The following MGA variants were observed in gnomAD, a reference collection of about 807,000 sequenced individuals.
MGA encodes the protein MAX gene-associated protein.
Under a neutral mutation model 261.1 loss-of-function variants are expected in MGA, and 40 were observed. That is an observed-to-expected ratio of 0.15 (90% CI 0.12 to 0.20). The LOEUF (loss-of-function observed/expected upper bound fraction) is 0.20, where lower values mean the gene tolerates loss of function less well. Ranked by LOEUF, MGA falls within the 10% of genes least tolerant of loss-of-function variation. The pLI, the probability that MGA is intolerant of heterozygous loss-of-function variation, is 1.00. For synonymous variants in MGA, 1,302 were observed against 1,290.6 expected, an observed-to-expected ratio of 1.01 and a Z score of -0.19; for missense variants, 3,397 against 3,630.5, an observed-to-expected ratio of 0.94 and a Z score of 1.65.
intron 2 of MGA, among the ~76,000 whole-genome samples, chr15:41,682,020 C>T (rs886234031): frequency 2.0e-5 from 3 of 151,734 alleles, no homozygotes; most frequent in Non-Finnish European, 4.4e-5. Context: ...CAGGTTCAAG[C>T]GATTCTCTTG....
At chr15:41,684,457 T>A (rs1167522137) in intron 2 of MGA, 2 of 419,354 alleles carry the variant, frequency 4.8e-6, no homozygotes, top group Non-Finnish European at 9.4e-6. Flanking sequence ...CTTAACTGTT[T>A]GTGAAATTTT....
Position 41,765,988 on chromosome 15 carries a change from A to C in MGA, c.7922-16A>C. 6.3e-7 allele frequency: 1 copy of C among 1,593,002 alleles called. No homozygotes were observed. Among genetic ancestry groups the C allele is most frequent in the Non-Finnish European group, 8.5e-7 (1 of 1,170,404 alleles). On this transcript the variant is annotated splice_polypyrimidine_tract_variant and intron_variant, in intron 23 of 23. Transcript: ENST00000219905. ...GATCTAAATGAATTTTTCTTTTTTT[A>C]ATTTTTGTTTTTCAGAAAATGACGA...
At chr15:41,622,106 T>G (rs1400967347) in intron 1 of MGA, among the ~76,000 whole-genome samples, 1 of 152,142 alleles carries the variant, frequency 6.6e-6, no homozygotes, top group African/African-American at 2.4e-5. Context: ...CCAGCGTCTT[T>G]GCTGCGGTCG....
At chr15:41,621,985 C>T (rs1191068808) in intron 1 of MGA, among the ~76,000 whole-genome samples, 7 of 137,706 alleles carry the variant, frequency 5.1e-5, no homozygotes, top group East Asian at 2.4e-4. Context: ...GTGCTGGGGC[C>T]GCGTGAAGGT....
chr15:41,767,244 C>T lies in MGA; in HGVS notation c.9162C>T (p.Gly3054=), dbSNP rs752645588. 1.9e-6 allele frequency: 3 copies of T among 1,613,144 alleles called. No individual in the cohort carries two copies. Among genetic ancestry groups the T allele is most frequent in the Non-Finnish European group, 1.7e-6 (2 of 1,179,314 alleles). Residue 3054 remains glycine, a synonymous_variant, in exon 24 of 24, where the codon GGC becomes GGT. Transcript: ENST00000219905. ...TGGCACCTGTTGTGGCTAAATTGGG[C>T]AACTCGGGGGCCTCACCAAGTTCTG...
At chr15:41,626,206 A>C (rs901568174) in intron 1 of MGA, among the ~76,000 whole-genome samples, 3 of 152,126 alleles carry the variant, frequency 2.0e-5, no homozygotes, top group African/African-American at 7.2e-5. Context: ...TAAAAAGATA[A>C]ATATCAAACG....
intron 15 of MGA, among the ~76,000 whole-genome samples, chr15:41,744,077 G>A (rs2062281831): frequency 6.6e-6 from 1 of 152,096 alleles, no homozygotes; most frequent in Admixed American, 6.5e-5. Flanking sequence ...AAATATTTTT[G>A]CATTTAGTGA....
chr15:41,761,702 G>A (rs1320311354), intron 20 of MGA, 37 bp from the exon 21 acceptor site: 4 of 1,337,256 alleles, frequency 3.0e-6, no homozygotes, highest in Non-Finnish European at 4.2e-6. Context: ...AAGAAAGAGT[G>A]GATCAATTTT....
At chr15:41,748,460 G>A (rs2062635695) in intron 15 of MGA, among the ~76,000 whole-genome samples, 177 bp from the exon 16 acceptor site, 1 of 152,272 alleles carries the variant, frequency 6.6e-6, no homozygotes, top group Middle Eastern at 3.4e-3. Flanking sequence ...ATGCTGAAGT[G>A]GAAGAATCAC....
At chr15:41,694,744 C>G (rs1221386861) in intron 2 of MGA, among the ~76,000 whole-genome samples, 2 of 152,066 alleles carry the variant, frequency 1.3e-5, no homozygotes, top group African/African-American at 4.8e-5. Context: ...GATCTCCTGA[C>G]CTCGTGATCC....
At chr15:41,727,530 A>T in intron 10 of MGA, 124 bp downstream of exon 10, 1 of 874,282 alleles carries the variant, frequency 1.1e-6, no homozygotes, top group Non-Finnish European at 1.8e-6. Context: ...TGTTTATAAG[A>T]TATCTTCCTT....
rs2059563529 is a variant in MGA, at chr15:41,696,703, A to G, written c.1693A>G (p.Ile565Val). The change falls in exon 3 of 24, where the codon ATA becomes GTA. Residue 565 changes from isoleucine to valine, a missense_variant. Around this residue, in one of 9 missense-constraint regions of MGA, gnomAD observed 563 missense variants for 563.6 expected, o/e 1.00. Transcript: ENST00000219905. ...ATCTGACAGCATTAGCACAGAAAGAATACTCGACGATTCAAAGGATTCAGT... is the reference window on the plus strand; with the variant it reads ...ATCTGACAGCATTAGCACAGAAAGAGTACTCGACGATTCAAAGGATTCAGT... The G allele has an allele frequency of 5.0e-6, 8 of 1,612,688 alleles. No individual in the cohort carries two copies. The highest frequency in any genetic ancestry group is 6.8e-6 in the Non-Finnish European group (8 of 1,179,352).
chr15:41,766,078 A>G lies in MGA; in HGVS notation c.7996A>G (p.Met2666Val), dbSNP rs1252092180. ...GGCCACAGAGGGAGGTTTGGTAGATATGGGTGGCAGCAAATATCCTCATGA... is the reference window on the plus strand; with the variant it reads ...GGCCACAGAGGGAGGTTTGGTAGATGTGGGTGGCAGCAAATATCCTCATGA... The change falls in exon 24 of 24, where the codon ATG becomes GTG. Residue 2666 changes from methionine to valine, a missense_variant. By Grantham distance (21) the Met-to-Val change is conservative. This residue lies in a region of MGA where 647 missense variants were observed against 642.4 expected (regional missense o/e 1.01). Transcript: ENST00000219905. 12 of 1,613,820 alleles carry G rather than the reference A, an allele frequency of 7.4e-6. No homozygotes were observed. Among genetic ancestry groups the G allele is most frequent in the Non-Finnish European group, 9.3e-6 (11 of 1,179,866 alleles).
At chr15:41,748,502 G>T (rs1403970852) in intron 15 of MGA, 135 bp from the exon 16 acceptor site, 1 of 929,422 alleles carries the variant, frequency 1.1e-6, no homozygotes, top group Non-Finnish European at 1.6e-6. Context: ...GTTGTAGTCA[G>T]TCGAGGTTGT....
At chr15:41,671,590 A>G (rs955227505) in intron 2 of MGA, among the ~76,000 whole-genome samples, 1 of 151,902 alleles carries the variant, frequency 6.6e-6, no homozygotes, top group African/African-American at 2.4e-5. Flanking sequence ...CCGCCTCCCA[A>G]AGTGTTGGAA....
intron 1 of MGA, among the ~76,000 whole-genome samples, chr15:41,622,134 C>T (rs1261808928): frequency 3.9e-5 from 6 of 152,102 alleles, no homozygotes; most frequent in Non-Finnish European, 7.4e-5. Context: ...TGTTTTTACT[C>T]CTCCCACATC....
intron 12 of MGA, among the ~76,000 whole-genome samples, chr15:41,735,017 A>C (rs1001581819): frequency 3.9e-5 from 6 of 152,208 alleles, no homozygotes; most frequent in African/African-American, 1.4e-4. Context: ...TACTTTGATG[A>C]CAGGTAGTGG....
chr15:41,749,385 A>T lies in MGA; in HGVS notation c.5778A>T (p.Ser1926=), dbSNP rs773546021. The change falls in exon 17 of 24, where the codon TCA becomes TCT. Residue 1926 remains serine, a synonymous_variant. Transcript: ENST00000219905. ...CTGAAACCAAAATAACTTATAGCTC[A>T]GGAGGACAGCCTGTTGGTACAGCCA... 1.2e-5 allele frequency: 20 copies of T among 1,614,044 alleles called. 1 individual carries two copies. In the South Asian group the frequency reaches 2.2e-4, roughly 18 times the overall value.
In MGA at chr15:41,758,511, T is replaced by C. The variant is rs186422852; in HGVS notation, c.7191+672T>C. 4.6e-3 allele frequency among the ~76,000 whole-genome samples: 696 copies of C among 152,332 alleles called. 4 individuals carry two copies. Among genetic ancestry groups the C allele is most frequent in the Non-Finnish European group, 8.3e-3 (562 of 68,010 alleles). Reference sequence around the variant, plus strand: ...ACTTATATGATACAGCGTATTTGCATGGTTGTAATTATTTGCATATATCAT... The same window carrying C: ...ACTTATATGATACAGCGTATTTGCACGGTTGTAATTATTTGCATATATCAT... On this transcript the variant is annotated intron_variant, in intron 19 of 23. Transcript: ENST00000219905.
Sources: gnomAD v4.1 joint callset for allele counts (sites outside exome capture counted in the v4.1 genomes callset) on GRCh38, gnomAD v4.1.1 for gene constraint, gnomAD v4.1.1 regional missense constraint, MANE v1.5 for transcripts, NCBI Gene and HGNC (gene_info 2026-07-23, HGNC 2026-07-21) for gene names.